PPP3CA: variants seen among roughly 807,000 people sequenced by gnomAD.
PPP3CA encodes CAM-PRP catalytic subunit.
A neutral mutation model predicts 66.5 loss-of-function variants in PPP3CA; 14 were observed. The ratio of observed to expected loss-of-function variants is 0.21; its 90% confidence interval spans 0.14 to 0.33. The LOEUF (loss-of-function observed/expected upper bound fraction) is 0.33. Among genes scored for constraint, PPP3CA ranks in the 10% least tolerant of loss-of-function variants. The pLI is 1.00. For missense variants in PPP3CA, 317 were observed against 639.5 expected (o/e 0.50, Z 5.44); for synonymous variants, 232 against 226.2 (o/e 1.03, Z -0.23).
rs1578542201 is a variant in PPP3CA at position 101,195,038 on chromosome 4, T to C, written c.259+878A>G. The stretch of plus-strand genomic sequence containing the variant: ...CTGTAATCCCAGCACTTTGGGAGGC[T>C]GAGGCGGGCAGATCACCTGAGGTCA... On this transcript the variant is annotated intron_variant, in intron 2 of 13. Transcript: ENST00000394854. Among the ~76,000 whole-genome samples the C allele has an allele frequency of 2.6e-5, 4 of 151,960 alleles. No homozygotes were observed. In the South Asian group the frequency reaches 8.3e-4, roughly 31 times the overall value.
intron 1 of PPP3CA, among the ~76,000 whole-genome samples, chr4:101,305,101 G>A (rs1228751584): frequency 6.6e-6 from 1 of 152,190 alleles, no homozygotes; most frequent in Non-Finnish European, 1.5e-5. Context: ...ACAAGAGACA[G>A]CAGAACCACT....
chr4:101,338,297 C>T (rs1212252535), intron 1 of PPP3CA, among the ~76,000 whole-genome samples: 4 of 152,194 alleles, frequency 2.6e-5, no homozygotes, highest in African/African-American at 9.7e-5. Context: ...TACAGCACTT[C>T]AAAAACTCAC....
intron 1 of PPP3CA, among the ~76,000 whole-genome samples, chr4:101,248,838 G>A (rs1363941255): frequency 6.6e-6 from 1 of 152,172 alleles, no homozygotes; most frequent in Non-Finnish European, 1.5e-5. Flanking sequence ...ATCTGTCAGA[G>A]AATCTTAAGT....
chr4:101,031,066 T>C (rs1400735432), intron 12 of PPP3CA, among the ~76,000 whole-genome samples: 1 of 128,004 alleles, frequency 7.8e-6, no homozygotes, highest in Admixed American at 7.4e-5. Flanking sequence ...AATTTTTGTC[T>C]TTTTGTAAAA....
At position 101,124,799 on chromosome 4, in the gene PPP3CA, G is replaced by GAAAAAGAA. The variant is rs1399400422; in HGVS notation, c.260-15722_260-15721insTTCTTTTT. 5.1e-4 allele frequency among the ~76,000 whole-genome samples: 51 copies of GAAAAAGAA among 100,350 alleles called. 5 individuals carry two copies. Among genetic ancestry groups the GAAAAAGAA allele is most frequent in the African/African-American group, 2.3e-3 (45 of 19,752 alleles). The allele number at this position is 100,350 out of a possible 152,430, so 65.8% of individuals were successfully genotyped here. A position where few individuals can be genotyped will look rare whatever the true frequency, so the allele number is the denominator to read the frequency against. On this transcript the variant is annotated intron_variant, in intron 2 of 13. Transcript: ENST00000394854. Reference sequence around the variant, plus strand: ...AGAAAGAAAGAAAGAAAGAAAGAAAGAGAAAACTGTATTGGTGTTGAGGAG... The same window carrying GAAAAAGAA: ...AGAAAGAAAGAAAGAAAGAAAGAAAGAAAAAGAAAGAAAACTGTATTGGTGTTGAGGAG...
intron 1 of PPP3CA, among the ~76,000 whole-genome samples, chr4:101,328,938 C>A (rs1222731377): frequency 6.6e-6 from 1 of 152,012 alleles, no homozygotes; most frequent in African/African-American, 2.4e-5. Context: ...CTCCTTGGGC[C>A]TCCCTACTCC....
intron 4 of PPP3CA, 67 bp from the exon 5 acceptor site, chr4:101,098,579 G>A: frequency 8.2e-6 from 12 of 1,469,864 alleles, no homozygotes; most frequent in Non-Finnish European, 1.0e-5. Flanking sequence ...AATAGTTTTG[G>A]TTTTTTGAGA....
intron 1 of PPP3CA, among the ~76,000 whole-genome samples, chr4:101,211,133 CTT>C (rs1277623152): frequency 6.6e-6 from 1 of 152,176 alleles, no homozygotes; most frequent in Admixed American, 6.6e-5. Flanking sequence ...AATGAAATGA[CTT>C]TGCCAAGATC....
intron 10 of PPP3CA, among the ~76,000 whole-genome samples, chr4:101,055,233 T>C (rs1483010795): frequency 1.3e-5 from 2 of 152,142 alleles, no homozygotes; most frequent in African/African-American, 4.8e-5. Flanking sequence ...GAAACTCTTG[T>C]AATGAAGGTT....
rs189320069 is a variant in PPP3CA at position 101,315,688 on chromosome 4, G to A, written c.58+31051C>T. Among the ~76,000 whole-genome samples the A allele has an allele frequency of 1.5e-4, 23 of 152,242 alleles. No homozygotes were observed. In the East Asian group the frequency reaches 3.1e-3, roughly 20 times the overall value. On this transcript the variant is annotated intron_variant, in intron 1 of 13. Transcript: ENST00000394854. ...TAAATAAGATAGAAGCTCAGTTCCC[G>A]CTCACAGAAATTAAGTCAAAGTGGG...
At chr4:101,282,384 C>T (rs1276941759) in intron 1 of PPP3CA, among the ~76,000 whole-genome samples, 15 of 152,204 alleles carry the variant, frequency 9.9e-5, no homozygotes, top group Admixed American at 9.8e-4. Flanking sequence ...ATGTTAGATA[C>T]AGGTCCAGAC....
At chr4:101,168,518 G>A (rs966885389) in intron 2 of PPP3CA, among the ~76,000 whole-genome samples, 3 of 152,096 alleles carry the variant, frequency 2.0e-5, no homozygotes, top group Admixed American at 6.6e-5. Context: ...GATAGAGGAG[G>A]GAAGTCTAAG....
At chr4:101,178,554 C>CA (rs1724137053) in intron 2 of PPP3CA, among the ~76,000 whole-genome samples, 2 of 152,076 alleles carry the variant, frequency 1.3e-5, no homozygotes, top group Non-Finnish European at 2.9e-5. Flanking sequence ...ACTGTGCTCC[C>CA]AGAGTCCTTT....
chr4:101,324,448 ACT>A (rs1256253300), intron 1 of PPP3CA, among the ~76,000 whole-genome samples: 2 of 152,138 alleles, frequency 1.3e-5, no homozygotes, highest in African/African-American at 2.4e-5. Flanking sequence ...TTTACTGAGT[ACT>A]CACTAAATGC....
rs972407871 is a variant in PPP3CA at position 101,094,584 on chromosome 4, T to C, written c.643-669A>G. On this transcript the variant is annotated intron_variant, in intron 5 of 13. Transcript: ENST00000394854. ...TAGTGGGTACAAATATGAGTAATGA[T>C]AAGCAGTAAAATAAACTCAACTTTA... Among the ~76,000 whole-genome samples the C allele has an allele frequency of 2.6e-5, 4 of 152,180 alleles. 1 individual carries two copies. Among genetic ancestry groups the C allele is most frequent in the Admixed American group, 2.6e-4 (4 of 15,266 alleles).
At chr4:101,343,067 A>T (rs562906086) in intron 1 of PPP3CA, among the ~76,000 whole-genome samples, 1 of 152,266 alleles carries the variant, frequency 6.6e-6, no homozygotes, top group South Asian at 2.1e-4. Flanking sequence ...ACAAAGCACA[A>T]CAACGCATTA....
chr4:101,275,453 A>G (rs969886062), intron 1 of PPP3CA, among the ~76,000 whole-genome samples: 6 of 152,192 alleles, frequency 3.9e-5, no homozygotes, highest in Non-Finnish European at 7.4e-5. Flanking sequence ...ATAACCTTGT[A>G]CCACCCATAT....
chr4:101,250,635 C>T (rs1726644854), intron 1 of PPP3CA, among the ~76,000 whole-genome samples: 1 of 152,010 alleles, frequency 6.6e-6, no homozygotes, highest in South Asian at 2.1e-4. Context: ...AGGTGAATCT[C>T]GTAGATTAAA....
intron 1 of PPP3CA, among the ~76,000 whole-genome samples, chr4:101,297,584 A>T (rs1194902197): frequency 6.6e-6 from 1 of 152,118 alleles, no homozygotes; most frequent in African/African-American, 2.4e-5. Context: ...AACCCACTAG[A>T]TGACCATCCT....
Sources: allele counts gnomAD v4.1 joint callset (sites outside exome capture counted in the v4.1 genomes callset), GRCh38; gene constraint gnomAD v4.1.1; transcripts MANE v1.5; gene names NCBI Gene and HGNC (gene_info 2026-07-23, HGNC 2026-07-21).